Variants in ZFHX4 observed in about 807,000 individuals in gnomAD.
ZFHX4 encodes zinc finger homeobox 4, also known as zinc finger homeobox protein 4.
Under a neutral mutation model 267.6 loss-of-function variants are expected in ZFHX4, and 56 were observed. That is an observed-to-expected ratio of 0.21 (90% CI 0.17 to 0.26). ZFHX4 has a LOEUF of 0.26. Among genes scored for constraint, ZFHX4 ranks in the 10% least tolerant of loss-of-function variants. The pLI, the probability that ZFHX4 is intolerant of heterozygous loss-of-function variation, is 1.00. For synonymous variants in ZFHX4, 1,778 were observed against 1,665.6 expected (o/e 1.07, Z -1.64); for missense variants, 4,332 against 4,420.0 (o/e 0.98, Z 0.56).
intron 3 of ZFHX4, among the ~76,000 whole-genome samples, chr8:76,710,965 T>G (rs1240266510): frequency 6.6e-6 from 1 of 152,170 alleles, no homozygotes; most frequent in Non-Finnish European, 1.5e-5. Context: ...TTAGGCAGCT[T>G]TAACATTAGA....
intron 5 of ZFHX4, among the ~76,000 whole-genome samples, chr8:76,835,247 A>ATATATATATG (rs1812059362): frequency 1.2e-4 from 17 of 138,762 alleles, no homozygotes; most frequent in African/African-American, 4.2e-4. Flanking sequence ...ATATGTATAT[A>ATATATATATG]TATATATATA....
chr8:76,812,189 T>C (rs1811395234), intron 4 of ZFHX4, among the ~76,000 whole-genome samples: 1 of 152,228 alleles, frequency 6.6e-6, no homozygotes. Context: ...TGCTTTTTGG[T>C]ATAAAACTTT....
intron 3 of ZFHX4, among the ~76,000 whole-genome samples, chr8:76,744,270 C>T (rs1809398022): frequency 6.6e-6 from 1 of 152,028 alleles, no homozygotes. Flanking sequence ...CGCTTGAACC[C>T]AGGAGGCGGA....
intron 4 of ZFHX4, among the ~76,000 whole-genome samples, chr8:76,810,745 T>C (rs1811356482): frequency 6.6e-6 from 1 of 152,188 alleles, no homozygotes. Context: ...TCAATAAATA[T>C]TTAATAAAAG....
At chr8:76,719,093 A>G (rs964742051) in intron 3 of ZFHX4, among the ~76,000 whole-genome samples, 2 of 151,630 alleles carry the variant, frequency 1.3e-5, no homozygotes, top group Non-Finnish European at 1.5e-5. Context: ...TATTTTCCAT[A>G]TATATCCAAG....
intron 3 of ZFHX4, among the ~76,000 whole-genome samples, chr8:76,771,512 T>A (rs1810262811): frequency 2.0e-5 from 3 of 152,080 alleles, no homozygotes; most frequent in African/African-American, 7.2e-5. Flanking sequence ...AGTCATAGCT[T>A]ACTGCAGCCT....
At position 76,856,009 on chromosome 8, in the gene ZFHX4, C is replaced by G; in HGVS notation, c.9088C>G (p.Gln3030Glu). The G allele has an allele frequency of 6.2e-7, 1 of 1,613,992 alleles. No individual in the cohort carries two copies. Among genetic ancestry groups the G allele is most frequent in the Non-Finnish European group, 8.5e-7 (1 of 1,179,880 alleles). Residue 3030 changes from glutamine (Q) to glutamate (E), a missense_variant, in exon 10 of 11, where the codon CAG (glutamine) becomes GAG (glutamate). Physicochemically the swap from Gln to Glu is conservative, Grantham distance 29. This residue lies in a region of ZFHX4 where 1,648 missense variants were observed against 1,625.0 expected (regional missense o/e 1.01). Coordinates refer to ENST00000651372, the MANE Select transcript of ZFHX4 (RefSeq NM_024721.5). ...CATCAGAGATCACATTTTCTCCAAACAGCACATTTCAAAAGTGAGGGAGAC... is the reference window on the plus strand; with the variant it reads ...CATCAGAGATCACATTTTCTCCAAAGAGCACATTTCAAAAGTGAGGGAGAC... ...LSIRDHIFSK[Q>E]HISKVRETVG...
intron 3 of ZFHX4, among the ~76,000 whole-genome samples, chr8:76,747,278 A>G (rs948462388): frequency 1.1e-4 from 16 of 152,138 alleles, no homozygotes; most frequent in African/African-American, 3.9e-4. Context: ...TGTTCCTTCC[A>G]GCTTTTATTT....
Position 76,705,741 on chromosome 8 carries a change from C to T in ZFHX4, c.1653C>T (p.Asn551=), listed in dbSNP as rs761197694. The T allele has an allele frequency of 6.8e-6, 11 of 1,613,896 alleles. No individual in the cohort carries two copies. The South Asian group carries it at 1.1e-4, about 16-fold the overall frequency. ...GGGCCAGTGGCAGTGTTGCTAGTAA[C>T]TATGGCATCAGTGGCAAGGACTTTG... ...AVRASGSVAS[N]YGISGKDFAD... The change falls in exon 2 of 11, where the codon AAC becomes AAT. Residue 551 remains asparagine, a synonymous_variant. Coordinates refer to ENST00000651372, the MANE Select transcript of ZFHX4 (RefSeq NM_024721.5).
Position 76,725,394 on chromosome 8 carries a change from C to A in ZFHX4, c.3093+17346C>A, listed in dbSNP as rs16939340. Among the ~76,000 whole-genome samples the A allele has an allele frequency of 8.4e-3, 1,273 of 152,162 alleles. 35 individuals are homozygous for A. The highest frequency in any genetic ancestry group is 0.059 in the Admixed American group (894 of 15,256). On this transcript the variant is annotated intron_variant, in intron 3 of 10. Coordinates refer to ENST00000651372, the MANE Select transcript of ZFHX4 (RefSeq NM_024721.5). ...AGCGGTTCTGTACTGGCCACAAGAGCTACGTTTTAAAATATGAATCTAATA... is the reference window on the plus strand; with the variant it reads ...AGCGGTTCTGTACTGGCCACAAGAGATACGTTTTAAAATATGAATCTAATA...
chr8:76,709,339 G>T lies in ZFHX4; in HGVS notation c.3093+1291G>T, dbSNP rs536718658. On this transcript the variant is annotated intron_variant, in intron 3 of 10. Transcript: ENST00000651372. The stretch of plus-strand genomic sequence containing the variant: ...AGCATTAGATTTGGGTTACGTTACA[G>T]AGTTTGAAGGGAGTGCAGGCCCTAA... Among the ~76,000 whole-genome samples the T allele has an allele frequency of 3.9e-5, 6 of 152,270 alleles. No individual in the cohort carries two copies. The South Asian group carries it at 1.2e-3, about 32-fold the overall frequency.
At chr8:76,745,990 A>G (rs967433917) in intron 3 of ZFHX4, among the ~76,000 whole-genome samples, 9 of 152,186 alleles carry the variant, frequency 5.9e-5, no homozygotes, top group Non-Finnish European at 1.3e-4. Flanking sequence ...GTACAGGATT[A>G]CTTTTATTTC....
At chr8:76,850,862 G>C in intron 9 of ZFHX4, 24 bp from the exon 10 acceptor site, 1 of 1,532,376 alleles carries the variant, frequency 6.5e-7, no homozygotes, top group Non-Finnish European at 8.8e-7. Context: ...TTGTAAGAGA[G>C]ATGTTTGTGC....
In ZFHX4 at chr8:76,700,374, A is replaced by T. The variant is rs368826017; in HGVS notation, c.-46-3669A>T. Among the ~76,000 whole-genome samples, 12 of 152,054 alleles carry T rather than the reference A, an allele frequency of 7.9e-5. No homozygotes were observed. The East Asian group carries it at 1.4e-3, about 17-fold the overall frequency. On this transcript the variant is annotated intron_variant, in intron 1 of 10. Transcript: ENST00000651372. ...AGATCACGTTCTTTTTAATCATTTC[A>T]CAAACACTGTCTCACTGGACCGTAG... is the stretch of plus-strand genomic sequence containing the variant.
Position 76,849,550 on chromosome 8 carries a change from C to A in ZFHX4, c.3684C>A (p.Asp1228Glu), listed in dbSNP as rs772131340. The A allele has an allele frequency of 6.2e-7, 1 of 1,613,940 alleles. No individual in the cohort carries two copies. Among genetic ancestry groups the A allele is most frequent in the South Asian group, 1.1e-5 (1 of 91,080 alleles). The change falls in exon 8 of 11, where the codon GAC becomes GAA. Residue 1228 changes from aspartate to glutamate, a missense_variant. By Grantham distance (45) the Asp-to-Glu change is conservative (BLOSUM62 2). Coordinates refer to ENST00000651372, the MANE Select transcript of ZFHX4 (RefSeq NM_024721.5). The part of the protein sequence containing the change: ...QCPYCNYNSR[D>E]QSRIQMHVLS... ...CTTATTGTAACTACAATAGTAGGGA[C>A]CAAAGTCGTATCCAGATGCACGTCC...
chr8:76,818,135 A>C (rs1265760145), intron 4 of ZFHX4, among the ~76,000 whole-genome samples: 2 of 152,230 alleles, frequency 1.3e-5, no homozygotes, highest in African/African-American at 4.8e-5. Context: ...AGGAACATTG[A>C]AACTGGGATT....
intron 4 of ZFHX4, among the ~76,000 whole-genome samples, chr8:76,787,321 AAG>A (rs1241692593): frequency 1.3e-5 from 2 of 152,246 alleles, no homozygotes; most frequent in East Asian, 1.9e-4. Flanking sequence ...ACTATAGAAA[AAG>A]AGAGTCTTGA....
intron 3 of ZFHX4, among the ~76,000 whole-genome samples, chr8:76,730,680 C>A (rs1808984761): frequency 6.6e-6 from 1 of 151,996 alleles, no homozygotes; most frequent in South Asian, 2.1e-4. Context: ...GCCTGGGTGA[C>A]AGAGCGAGAC....
At chr8:76,727,490 G>C (rs1158786150) in intron 3 of ZFHX4, among the ~76,000 whole-genome samples, 1 of 152,094 alleles carries the variant, frequency 6.6e-6, no homozygotes, top group Non-Finnish European at 1.5e-5. Context: ...CCTTAGGTAA[G>C]TGACTCAGTC....
Sources: allele counts gnomAD v4.1 joint callset (sites outside exome capture counted in the v4.1 genomes callset), GRCh38; gene constraint gnomAD v4.1.1; regional missense constraint gnomAD v4.1.1; transcripts MANE v1.5; gene names NCBI Gene and HGNC (gene_info 2026-07-23, HGNC 2026-07-21).